EGFR: variants seen among roughly 807,000 people sequenced by gnomAD.
EGFR encodes the protein avian erythroblastic leukemia viral (v-erb-b) oncogene homolog.
In EGFR, 58 loss-of-function variants were observed where a neutral mutation model predicts 143.0. That is an observed-to-expected ratio of 0.41 (90% confidence interval 0.33 to 0.50). EGFR has a LOEUF of 0.50. Among genes scored for constraint, EGFR ranks in the 20% least tolerant of loss-of-function variants. The probability of loss-of-function intolerance (pLI) is 0.39; values close to 1 mark genes in which losing one functional copy is unlikely to be tolerated. For missense variants in EGFR, 1,307 were observed against 1,579.0 expected (o/e 0.83, Z 2.92); for synonymous variants, 613 against 594.4 (o/e 1.03, Z -0.45).
intron 23 of EGFR, among the ~76,000 whole-genome samples, chr7:55,199,271 A>C (rs1358508645): frequency 6.6e-6 from 1 of 152,208 alleles, no homozygotes; most frequent in Non-Finnish European, 1.5e-5. Context: ...CTTTGACTTA[A>C]ACCTTTTAAA....
At chr7:55,102,576 A>G (rs1392644496) in intron 1 of EGFR, among the ~76,000 whole-genome samples, 1 of 152,192 alleles carries the variant, frequency 6.6e-6, no homozygotes, top group Non-Finnish European at 1.5e-5. Flanking sequence ...CAGCAAAACA[A>G]TGTAACAATT....
chr7:55,101,091 A>T (rs991386432), intron 1 of EGFR, among the ~76,000 whole-genome samples: 1 of 152,054 alleles, frequency 6.6e-6, no homozygotes, highest in Admixed American at 6.6e-5. Context: ...CCCTCTGACA[A>T]CTCTGCTCCT....
rs762535674 is a variant in EGFR, at chr7:55,156,727, G to C, written c.1134-32G>C. 42 of 1,614,172 alleles carry C rather than the reference G, an allele frequency of 2.6e-5. 1 individual carries two copies. In the South Asian group the frequency reaches 4.2e-4, roughly 16 times the overall value. On this transcript the variant is annotated intron_variant, in intron 9 of 27. Coordinates refer to ENST00000275493, the MANE Select transcript of EGFR (RefSeq NM_005228.5). Reference sequence around the variant, plus strand: ...CTGCCTTTTTAACTGGTAGAGATTGGTGATCAATAATCACCCTGTTGTTTG... The same window carrying C: ...CTGCCTTTTTAACTGGTAGAGATTGCTGATCAATAATCACCCTGTTGTTTG...
intron 1 of EGFR, among the ~76,000 whole-genome samples, chr7:55,117,844 G>A (rs775064170): frequency 6.6e-6 from 1 of 152,148 alleles, no homozygotes; most frequent in Non-Finnish European, 1.5e-5. Flanking sequence ...GTTTGAAAAG[G>A]CTAGATTTCC....
In EGFR at chr7:55,021,059, C is replaced by T. The variant is rs117137942; in HGVS notation, c.88+1694C>T. Among the ~76,000 whole-genome samples the T allele has an allele frequency of 1.6e-3, 243 of 152,130 alleles. 1 individual carries two copies. Among genetic ancestry groups the T allele is most frequent in the Non-Finnish European group, 2.8e-3 (189 of 68,000 alleles). On this transcript the variant is annotated intron_variant, in intron 1 of 27. Coordinates refer to ENST00000275493, the MANE Select transcript of EGFR (RefSeq NM_005228.5). ...ACGGAAGAAGGATTGTTAAAGTCTC[C>T]GGAGATGTTACTTGCCAATGCTAAG...
At chr7:55,116,014 A>G (rs1792819595) in intron 1 of EGFR, among the ~76,000 whole-genome samples, 1 of 152,208 alleles carries the variant, frequency 6.6e-6, no homozygotes, top group African/African-American at 2.4e-5. Flanking sequence ...GTTTGTTATC[A>G]TCATACTTGA....
chr7:55,068,023 T>C (rs1425018549), intron 1 of EGFR, among the ~76,000 whole-genome samples: 1 of 151,226 alleles, frequency 6.6e-6, no homozygotes, highest in Non-Finnish European at 1.5e-5. Context: ...GGTGTGCCTG[T>C]GTGTATGTGT....
At chr7:55,104,332 G>T (rs1198621986) in intron 1 of EGFR, among the ~76,000 whole-genome samples, 1 of 152,180 alleles carries the variant, frequency 6.6e-6, no homozygotes, top group Non-Finnish European at 1.5e-5. Flanking sequence ...ACCGTCCTCC[G>T]TAGGCTCCCA....
chr7:55,205,779 C>A lies in EGFR; in HGVS notation c.*162C>A. ...GACTAGCCAGGAAGTACTTCCACCT[C>A]GGGCACATTTTGGGAAGTTGCATTC... On this transcript the variant is annotated 3_prime_UTR_variant, in exon 28 of 28. Coordinates refer to ENST00000275493, the MANE Select transcript of EGFR (RefSeq NM_005228.5). 1.8e-6 allele frequency: 2 copies of A among 1,100,802 alleles called. No individual in the cohort carries two copies. The highest frequency in any genetic ancestry group is 1.4e-5 in the South Asian group (1 of 69,112). 68.2% of individuals were successfully genotyped at this position (1,100,802 alleles called of 1,614,324 possible).
At chr7:55,095,932 C>T (rs1467486527) in intron 1 of EGFR, among the ~76,000 whole-genome samples, 1 of 151,694 alleles carries the variant, frequency 6.6e-6, no homozygotes, top group Non-Finnish European at 1.5e-5. Context: ...CAGAGATACA[C>T]ACAGAGACAC....
intron 1 of EGFR, among the ~76,000 whole-genome samples, chr7:55,070,492 G>A (rs557402344): frequency 4.6e-5 from 7 of 152,256 alleles, no homozygotes; most frequent in African/African-American, 1.4e-4. Context: ...GTTTAGTTCG[G>A]GGATACAAAT....
intron 1 of EGFR, among the ~76,000 whole-genome samples, chr7:55,106,435 T>G (rs541406307): frequency 1.3e-5 from 2 of 152,358 alleles, no homozygotes; most frequent in African/African-American, 4.8e-5. Flanking sequence ...TGTGGCAATA[T>G]GCCTTCATTT....
intron 1 of EGFR, among the ~76,000 whole-genome samples, chr7:55,095,163 G>T (rs1199903568): frequency 1.3e-5 from 2 of 152,208 alleles, no homozygotes; most frequent in Non-Finnish European, 2.9e-5. Context: ...AGCTGGAAAA[G>T]CTGCAGGTCC....
chr7:55,146,445 T>C (rs939958007), intron 3 of EGFR, among the ~76,000 whole-genome samples, 161 bp from the exon 4 acceptor site: 5 of 152,210 alleles, frequency 3.3e-5, no homozygotes, highest in African/African-American at 1.2e-4. Flanking sequence ...TTAACAATTT[T>C]ATCTGGCCGC....
chr7:55,091,934 CT>C (rs1253153102), intron 1 of EGFR, among the ~76,000 whole-genome samples: 1 of 150,572 alleles, frequency 6.6e-6, no homozygotes, highest in Non-Finnish European at 1.5e-5. Context: ...AGAGAGAGAA[CT>C]AAAGTTTGGC....
chr7:55,076,542 G>T (rs1367202693), intron 1 of EGFR, among the ~76,000 whole-genome samples: 2 of 152,144 alleles, frequency 1.3e-5, no homozygotes, highest in Non-Finnish European at 2.9e-5. Context: ...TCCATCATCT[G>T]ATAGGCCTAT....
rs191269805 is a variant in EGFR at position 55,138,077 on chromosome 7, G to A, written c.89-4209G>A. Among the ~76,000 whole-genome samples, 7 of 152,242 alleles carry A rather than the reference G, an allele frequency of 4.6e-5. No individual in the cohort carries two copies. In the East Asian group the frequency reaches 5.8e-4, roughly 13 times the overall value. On this transcript the variant is annotated intron_variant, in intron 1 of 27. Coordinates refer to ENST00000275493, the MANE Select transcript of EGFR (RefSeq NM_005228.5). Reference sequence around the variant, plus strand: ...TACTTTACTTTAAAATGCATCCAAAGGCAGACTAGAGGACCATATCTGACA... The same window carrying A: ...TACTTTACTTTAAAATGCATCCAAAAGCAGACTAGAGGACCATATCTGACA...
chr7:55,152,453 T>C, intron 5 of EGFR, 93 bp from the exon 6 acceptor site: 1 of 1,181,690 alleles, frequency 8.5e-7, no homozygotes, highest in Non-Finnish European at 1.3e-6. Flanking sequence ...TCTTCACTTT[T>C]TCATGAAAAA....
chr7:55,195,983 C>T (rs955258947), intron 22 of EGFR, among the ~76,000 whole-genome samples: 7 of 152,164 alleles, frequency 4.6e-5, no homozygotes, highest in East Asian at 1.9e-4. Flanking sequence ...AGTGAAAATA[C>T]GCATGCATAT....
Sources: allele counts gnomAD v4.1 joint callset (sites outside exome capture counted in the v4.1 genomes callset), GRCh38; gene constraint gnomAD v4.1.1; transcripts MANE v1.5; gene names NCBI Gene and HGNC (gene_info 2026-07-23, HGNC 2026-07-21).